The following DPP3 variants were observed in gnomAD, a reference collection of about 807,000 sequenced individuals.
The protein encoded by DPP3 is dipeptidyl peptidase 3.
Under a neutral mutation model 89.8 loss-of-function variants are expected in DPP3, and 64 were observed. The ratio of observed to expected loss-of-function variants is 0.71; its 90% confidence interval spans 0.58 to 0.88. DPP3 has a LOEUF of 0.88. DPP3 is among the 40% of genes least tolerant of loss of function. The probability of loss-of-function intolerance (pLI) is 0.00; values close to 1 mark genes in which losing one functional copy is unlikely to be tolerated. For synonymous variants in DPP3, 377 were observed against 404.3 expected (o/e 0.93, Z 0.81); for missense variants, 835 against 972.5 (o/e 0.86, Z 1.88).
intron 16 of DPP3, among the ~76,000 whole-genome samples, chr11:66,501,148 C>T (rs1855665763): frequency 6.6e-6 from 1 of 151,242 alleles, no homozygotes; most frequent in Non-Finnish European, 1.5e-5. Context: ...GATCGTGCCA[C>T]TGAACTCCGG....
chr11:66,492,479 A>T, intron 9 of DPP3: 1 of 482,386 alleles, frequency 2.1e-6, no homozygotes, highest in Non-Finnish European at 3.6e-6. Context: ...ACCCAGGCCC[A>T]GGGAGAAGGG....
intron 1 of DPP3, among the ~76,000 whole-genome samples, chr11:66,481,863 G>A (rs564431184): frequency 6.6e-6 from 1 of 152,174 alleles, no homozygotes; most frequent in Non-Finnish European, 1.5e-5. Context: ...GGTCAGGCTG[G>A]TCTTGAACTC....
chr11:66,504,510 C>G (rs1243224073), intron 16 of DPP3, 102 bp from the exon 17 acceptor site: 3 of 1,341,850 alleles, frequency 2.2e-6, no homozygotes, highest in African/African-American at 1.5e-5. Flanking sequence ...AACCATAGCA[C>G]AGACTGTCCA....
chr11:66,506,462 C>T (rs1855805061), intron 17 of DPP3, among the ~76,000 whole-genome samples: 1 of 151,876 alleles, frequency 6.6e-6, no homozygotes, highest in South Asian at 2.1e-4. Context: ...GCCATGTTGG[C>T]CAGGCTGGTC....
intron 2 of DPP3, among the ~76,000 whole-genome samples, chr11:66,484,006 T>A (rs919521918): frequency 6.7e-6 from 1 of 150,254 alleles, no homozygotes; most frequent in African/African-American, 2.5e-5. Context: ...GGGGACGGAG[T>A]CTCGCTCTGT....
intron 16 of DPP3, among the ~76,000 whole-genome samples, chr11:66,498,084 C>T (rs1466722269): frequency 1.3e-5 from 2 of 149,270 alleles, no homozygotes; most frequent in Admixed American, 1.3e-4. Context: ...AGGCTTTCAC[C>T]ACCACGCCCG....
At chr11:66,485,932 CTTTTCTT>C (rs1400916487) in intron 3 of DPP3, among the ~76,000 whole-genome samples, 12 of 151,118 alleles carry the variant, frequency 7.9e-5, no homozygotes, top group African/African-American at 2.9e-4. Context: ...CTTTTCTTTT[CTTTTCTT>C]TTCTTTTCTT....
chr11:66,486,402 C>T lies in DPP3; in HGVS notation c.361-138C>T, dbSNP rs571337096. ...GACGCTTGACATTTCTCAGGACCTA[C>T]AAGTGCTGCTGGTCCATGGACCACA... On this transcript the variant is annotated intron_variant, in intron 3 of 17. Transcript: ENST00000531863. 156 of 1,110,782 alleles carry T rather than the reference C, an allele frequency of 1.4e-4. 1 individual carries two copies. The South Asian group carries it at 4.1e-3, about 29-fold the overall frequency. 68.8% of individuals were successfully genotyped at this position (1,110,782 alleles called of 1,614,324 possible).
intron 15 of DPP3, among the ~76,000 whole-genome samples, chr11:66,496,332 C>T (rs1281085673): frequency 1.3e-5 from 2 of 152,126 alleles, no homozygotes; most frequent in African/African-American, 4.8e-5. Context: ...CTGCAACCTC[C>T]GCCTCCCGGG....
In DPP3 at chr11:66,480,460, C is replaced by G. The variant is rs17147638; in HGVS notation, c.-14C>G. 4.7e-6 allele frequency: 7 copies of G among 1,490,016 alleles called. No homozygotes were observed. Among genetic ancestry groups the G allele is most frequent in the South Asian group, 1.3e-5 (1 of 78,988 alleles). The allele number at this position is 1,490,016 out of a possible 1,614,324, so 92.3% of individuals were successfully genotyped here. A position where few individuals can be genotyped will look rare whatever the true frequency, so the allele number is the denominator to read the frequency against. On this transcript the variant is annotated 5_prime_UTR_variant, in exon 1 of 18. Coordinates refer to ENST00000531863, the MANE Select transcript of DPP3 (RefSeq NM_130443.4). ...AGTGAGTTTGCGAACGGAGCAGCTG[C>G]TGCAGGTGAGGCGCGGCGCCTGGGC...
chr11:66,497,477 G>A lies in DPP3; in HGVS notation c.1878G>A (p.Gln626=). ...TAGAGCGCTTCCTGCGGAGACTTCAGGTAAGCAAAGGCCTCTCGTCTGGAT... is the reference window on the plus strand; with the variant it reads ...TAGAGCGCTTCCTGCGGAGACTTCAAGTAAGCAAAGGCCTCTCGTCTGGAT... ...PALERFLRRL[Q]VLKSTGDVAG... The change falls in exon 16 of 18, where the codon CAG becomes CAA. Residue 626 remains glutamine (Q), a splice_region_variant and synonymous_variant. Coordinates refer to ENST00000531863, the MANE Select transcript of DPP3 (RefSeq NM_130443.4). 6.2e-7 allele frequency: 1 copy of A among 1,612,234 alleles called. No homozygotes were observed. The highest frequency in any genetic ancestry group is 8.5e-7 in the Non-Finnish European group (1 of 1,179,050).
chr11:66,484,107 AG>A (rs1855160190), intron 2 of DPP3, among the ~76,000 whole-genome samples: 1 of 151,962 alleles, frequency 6.6e-6, no homozygotes, highest in Admixed American at 6.6e-5. Context: ...CCTCCTGAGT[AG>A]CTGGTATTAC....
At chr11:66,481,452 T>G (rs1186094395) in intron 1 of DPP3, among the ~76,000 whole-genome samples, 6 of 151,908 alleles carry the variant, frequency 3.9e-5, no homozygotes, top group Non-Finnish European at 7.4e-5. Flanking sequence ...ATCATGCCAC[T>G]GCACTCCAGC....
At chr11:66,480,499 G>C in intron 1 of DPP3, 34 bp downstream of exon 1, 1 of 1,475,256 alleles carries the variant, frequency 6.8e-7, no homozygotes, top group Non-Finnish European at 8.9e-7. Context: ...TGGGGTCAAA[G>C]CGTGTCATCC....
chr11:66,487,379 G>A (rs200764392), intron 5 of DPP3, 37 bp downstream of exon 5: 1 of 1,604,036 alleles, frequency 6.2e-7, no homozygotes, highest in East Asian at 2.2e-5. Flanking sequence ...GCAGAGGTTT[G>A]GTGGGGTTCC....
intron 1 of DPP3, chr11:66,481,952 A>G (rs1855095304): frequency 1.8e-6 from 1 of 570,878 alleles, no homozygotes; most frequent in Non-Finnish European, 3.1e-6. Context: ...CTGACCTTAG[A>G]GTCAATCTTT....
Position 66,491,388 on chromosome 11 carries a change from G to C in DPP3, c.798+5G>C, listed in dbSNP as rs199664356. 1 of 1,613,366 alleles carries C rather than the reference G, an allele frequency of 6.2e-7. No homozygotes were observed. The highest frequency in any genetic ancestry group is 2.2e-5 in the East Asian group (1 of 44,840). On this transcript the variant is annotated splice_donor_5th_base_variant and intron_variant, in intron 7 of 17. Transcript: ENST00000531863. ...GAGCAGCTGGAGAAAGCCAAGGTTGGACTGGCTGGGGGCTGAGGGGTGCGG... is the reference window on the plus strand; with the variant it reads ...GAGCAGCTGGAGAAAGCCAAGGTTGCACTGGCTGGGGGCTGAGGGGTGCGG...
In DPP3 at chr11:66,509,395, C is replaced by T. The variant is rs1346988875; in HGVS notation, c.*144C>T. The stretch of plus-strand genomic sequence containing the variant: ...CCTCAGCTGAGGGTGGTGACACAAC[C>T]CCTTCCATTTGTCAGCACTTTCCAG... On this transcript the variant is annotated 3_prime_UTR_variant, in exon 18 of 18. Transcript: ENST00000531863. 6.5e-7 allele frequency: 1 copy of T among 1,537,560 alleles called. No homozygotes were observed. The highest frequency in any genetic ancestry group is 1.4e-5 in the African/African-American group (1 of 72,950).
rs1346988875 is a variant in DPP3, at chr11:66,509,395, C to G, written c.*144C>G. 1.3e-6 allele frequency: 2 copies of G among 1,537,560 alleles called. No individual in the cohort carries two copies. Among genetic ancestry groups the G allele is most frequent in the African/African-American group, 2.7e-5 (2 of 72,950 alleles). On this transcript the variant is annotated 3_prime_UTR_variant, in exon 18 of 18. Transcript: ENST00000531863. ...CCTCAGCTGAGGGTGGTGACACAAC[C>G]CCTTCCATTTGTCAGCACTTTCCAG...
Sources: gnomAD v4.1 joint callset for allele counts (sites outside exome capture counted in the v4.1 genomes callset) on GRCh38, gnomAD v4.1.1 for gene constraint, MANE v1.5 for transcripts, NCBI Gene and HGNC (gene_info 2026-07-23, HGNC 2026-07-21) for gene names.